The following DSCAM variants were observed in gnomAD, a reference collection of about 807,000 sequenced individuals.
DSCAM encodes DS cell adhesion molecule.
DSCAM carries 47 observed loss-of-function variants against 217.7 expected under a neutral mutation model. That is an observed-to-expected ratio of 0.22 (90% CI 0.17 to 0.28). DSCAM has a LOEUF of 0.28. Among genes scored for constraint, DSCAM ranks in the 10% least tolerant of loss-of-function variants. DSCAM has a pLI of 1.00. For missense variants in DSCAM, 2,080 were observed against 2,618.3 expected, an observed-to-expected ratio of 0.79 and a Z score of 4.49; for synonymous variants, 1,056 against 1,015.3, an observed-to-expected ratio of 1.04 and a Z score of -0.76.
At chr21:40,798,248 A>G (rs1457881032) in intron 1 of DSCAM, among the ~76,000 whole-genome samples, 1 of 152,130 alleles carries the variant, frequency 6.6e-6, no homozygotes, top group African/African-American at 2.4e-5. Context: ...AAAGAAGAAA[A>G]GAGTTAAAAT....
intron 3 of DSCAM, among the ~76,000 whole-genome samples, chr21:40,521,169 A>C (rs1441347896): frequency 6.6e-6 from 1 of 152,138 alleles, no homozygotes; most frequent in Admixed American, 6.6e-5. Flanking sequence ...TGTTGTCACA[A>C]CTGGGAGTGA....
At chr21:40,614,194 T>A (rs1180836582) in intron 3 of DSCAM, among the ~76,000 whole-genome samples, 1 of 152,156 alleles carries the variant, frequency 6.6e-6, no homozygotes, top group Non-Finnish European at 1.5e-5. Context: ...GATGCAGTCA[T>A]GGAAGTCATG....
At chr21:40,310,463 A>G (rs890318467) in intron 9 of DSCAM, among the ~76,000 whole-genome samples, 1 of 152,204 alleles carries the variant, frequency 6.6e-6, no homozygotes, top group Admixed American at 6.5e-5. Context: ...TTTAATATTA[A>G]TTTAACTAAA....
chr21:40,617,626 A>G (rs957150208), intron 3 of DSCAM, among the ~76,000 whole-genome samples: 10 of 152,212 alleles, frequency 6.6e-5, no homozygotes, highest in Non-Finnish European at 1.3e-4. Context: ...GGAACATTCT[A>G]TGCATCATAG....
chr21:40,025,973 A>G (rs1301361551), intron 32 of DSCAM, among the ~76,000 whole-genome samples: 2 of 146,538 alleles, frequency 1.4e-5, no homozygotes, highest in Non-Finnish European at 3.0e-5. Context: ...TAGGGTGTCA[A>G]TTTTGGATCT....
intron 4 of DSCAM, among the ~76,000 whole-genome samples, chr21:40,355,688 TTTC>T (rs1368591194): frequency 2.6e-5 from 4 of 152,196 alleles, no homozygotes; most frequent in African/African-American, 7.2e-5. Flanking sequence ...TACCTGAAAT[TTTC>T]TTGTCTTTGC....
intron 3 of DSCAM, among the ~76,000 whole-genome samples, chr21:40,495,721 GA>G (rs1320771168): frequency 2.0e-5 from 3 of 151,238 alleles, no homozygotes; most frequent in Non-Finnish European, 4.4e-5. Flanking sequence ...ATCCAAATTG[GA>G]AAAAAAAGAA....
intron 21 of DSCAM, 123 bp from the exon 22 acceptor site, chr21:40,087,410 T>G: frequency 2.9e-6 from 2 of 700,504 alleles, no homozygotes; most frequent in Middle Eastern, 3.7e-4. Flanking sequence ...ACATTACAAC[T>G]GTCAACACTA....
intron 3 of DSCAM, among the ~76,000 whole-genome samples, chr21:40,455,194 A>G (rs2075753276): frequency 6.6e-6 from 1 of 152,210 alleles, no homozygotes; most frequent in Non-Finnish European, 1.5e-5. Flanking sequence ...AAGCACTGGA[A>G]AAACAAGTGG....
At chr21:40,719,175 A>G (rs1037139760) in intron 1 of DSCAM, among the ~76,000 whole-genome samples, 3 of 152,200 alleles carry the variant, frequency 2.0e-5, no homozygotes, top group Non-Finnish European at 4.4e-5. Flanking sequence ...CACAAAGGCC[A>G]ATATATAAAT....
At chr21:40,714,941 T>C (rs2090825669) in intron 1 of DSCAM, among the ~76,000 whole-genome samples, 2 of 152,360 alleles carry the variant, frequency 1.3e-5, no homozygotes, top group African/African-American at 4.8e-5. Context: ...GAATGGATTA[T>C]TGTCATTATC....
rs562258755 is a variant in DSCAM at position 40,029,583 on chromosome 21, C to T, written c.5686+12788G>A. ...GGGTGTGAGGGTGGAGAGTAGGAGG[C>T]GGGCCCCAAGGCATGCAGAGAGGCC... On this transcript the variant is annotated intron_variant, in intron 32 of 32. Coordinates refer to ENST00000400454, the MANE Select transcript of DSCAM (RefSeq NM_001389.5). 7.2e-5 allele frequency among the ~76,000 whole-genome samples: 11 copies of T among 152,218 alleles called. No homozygotes were observed. In the East Asian group the frequency reaches 7.7e-4, roughly 11 times the overall value.
intron 2 of DSCAM, among the ~76,000 whole-genome samples, chr21:40,702,738 G>A (rs2090670801): frequency 6.6e-6 from 1 of 151,572 alleles, no homozygotes; most frequent in Non-Finnish European, 1.5e-5. Context: ...ATTTTTTAAT[G>A]ATTCTATTTT....
intron 3 of DSCAM, among the ~76,000 whole-genome samples, chr21:40,402,049 CTTTTTTTTTTTTTTTT>C (rs71186933): frequency 6.9e-5 from 4 of 58,212 alleles, no homozygotes; most frequent in African/African-American, 1.4e-4. Flanking sequence ...ATTCTTATTC[CTTTTTTTTTTTTTTTT>C]TTTTTTTTTT....
intron 3 of DSCAM, among the ~76,000 whole-genome samples, chr21:40,381,397 T>C (rs1375603643): frequency 6.6e-6 from 1 of 152,224 alleles, no homozygotes; most frequent in Non-Finnish European, 1.5e-5. Flanking sequence ...TCCCACAAGA[T>C]TTCTGCATTT....
chr21:40,389,698 G>C (rs922102892), intron 3 of DSCAM, among the ~76,000 whole-genome samples: 2 of 152,158 alleles, frequency 1.3e-5, no homozygotes, highest in Non-Finnish European at 2.9e-5. Context: ...AGAAGATATA[G>C]CCTGTTACCA....
chr21:40,604,237 C>A (rs191707558), intron 3 of DSCAM, among the ~76,000 whole-genome samples: 1 of 152,230 alleles, frequency 6.6e-6, no homozygotes, highest in African/African-American at 2.4e-5. Context: ...ATCAAAGGCA[C>A]TTTTTATTTC....
intron 11 of DSCAM, among the ~76,000 whole-genome samples, chr21:40,202,282 T>C (rs748547731): frequency 6.6e-6 from 1 of 152,310 alleles, no homozygotes; most frequent in Admixed American, 6.5e-5. Context: ...AGACACAGAG[T>C]TGTCATGTCT....
chr21:40,580,270 C>G (rs2076893842), intron 3 of DSCAM, among the ~76,000 whole-genome samples: 1 of 151,910 alleles, frequency 6.6e-6, no homozygotes, highest in Admixed American at 6.6e-5. Context: ...GGGTGGCTCA[C>G]GTCTGTAGTC....
Sources: gnomAD v4.1 joint callset for allele counts (sites outside exome capture counted in the v4.1 genomes callset) on GRCh38, gnomAD v4.1.1 for gene constraint, MANE v1.5 for transcripts, NCBI Gene and HGNC (gene_info 2026-07-23, HGNC 2026-07-21) for gene names.